The following BRD8 variants were observed in gnomAD, a reference collection of about 807,000 sequenced individuals.
BRD8 encodes the protein bromodomain-containing protein 8.
BRD8 carries 67 observed loss-of-function variants against 143.1 expected under a neutral mutation model. That is an observed-to-expected ratio of 0.47 (90% confidence interval 0.38 to 0.57). The LOEUF (loss-of-function observed/expected upper bound fraction) is 0.57, where lower values mean the gene tolerates loss of function less well. Ranked by LOEUF, BRD8 falls within the 20% of genes least tolerant of loss-of-function variation. The pLI, the probability that BRD8 is intolerant of heterozygous loss-of-function variation, is 0.00. For missense variants in BRD8, 1,103 were observed against 1,503.0 expected (o/e 0.73, Z 4.40); for synonymous variants, 505 against 517.1 (o/e 0.98, Z 0.32).
chr5:138,164,221 C>T, intron 13 of BRD8, 88 bp from the exon 14 acceptor site: 2 of 1,575,260 alleles, frequency 1.3e-6, no homozygotes, highest in Non-Finnish European at 1.7e-6. Flanking sequence ...CTCTCCTTTA[C>T]ATGCTGACCT....
chr5:138,152,867 G>T lies in BRD8; in HGVS notation c.2578-107C>A. ...AAAATAAGGGGCCAGAAATTTATTT[G>T]TATTCAAGTATTCATCATTAGGAAG... On this transcript the variant is annotated intron_variant, in intron 20 of 26. Coordinates refer to ENST00000254900, the MANE Select transcript of BRD8 (RefSeq NM_139199.2). The T allele has an allele frequency of 5.5e-6, 6 of 1,088,168 alleles. No homozygotes were observed. The South Asian group carries it at 8.0e-5, about 14-fold the overall frequency. The allele number at this position is 1,088,168 out of a possible 1,614,324, so 67.4% of individuals were successfully genotyped here.
At chr5:138,146,956 C>T (rs955148086) in intron 23 of BRD8, among the ~76,000 whole-genome samples, 4 of 126,902 alleles carry the variant, frequency 3.2e-5, no homozygotes, top group African/African-American at 1.2e-4. Context: ...GGCGACCGAG[C>T]GAAACTCCGT....
intron 2 of BRD8, among the ~76,000 whole-genome samples, chr5:138,174,500 G>A (rs1258431930): frequency 6.6e-6 from 1 of 151,872 alleles, no homozygotes; most frequent in Non-Finnish European, 1.5e-5. Context: ...GGAGGCTGAG[G>A]TGGGAGAATC....
At position 138,149,799 on chromosome 5, in the gene BRD8, T is replaced by G; in HGVS notation, c.3121-2A>C. On this transcript the variant is annotated splice_acceptor_variant, in intron 22 of 26. Transcript: ENST00000254900. LOFTEE classifies it high-confidence loss of function. ...TTTGGATTCTTGCTGAGCCTCCCCC[T>G]AGGAATGCCAGGAAACAGGAAACTT... 1 of 1,593,352 alleles carries G rather than the reference T, an allele frequency of 6.3e-7. No homozygotes were observed. The highest frequency in any genetic ancestry group is 8.5e-7 in the Non-Finnish European group (1 of 1,173,998).
chr5:138,155,339 C>T (rs189311054), intron 20 of BRD8, among the ~76,000 whole-genome samples: 240 of 151,258 alleles, frequency 1.6e-3, no homozygotes, highest in Middle Eastern at 6.8e-3. Context: ...ATCCCAGCTA[C>T]TCGGGAGGCT....
intron 2 of BRD8, among the ~76,000 whole-genome samples, chr5:138,175,801 C>T (rs1203836591): frequency 2.0e-5 from 3 of 149,666 alleles, no homozygotes; most frequent in Admixed American, 1.3e-4. Flanking sequence ...GTAGTCCCGG[C>T]TACTCAGGAG....
chr5:138,149,535 C>T, intron 23 of BRD8, 105 bp downstream of exon 23: 36 of 1,023,600 alleles, frequency 3.5e-5, no homozygotes, highest in South Asian at 1.4e-4. Context: ...TTGTGTTTTC[C>T]AACTCTAATT....
Position 138,140,736 on chromosome 5 carries a change from T to G in BRD8, c.3584A>C (p.Glu1195Ala), listed in dbSNP as rs1751870873. 1 of 1,614,142 alleles carries G rather than the reference T, an allele frequency of 6.2e-7. No individual in the cohort carries two copies. Among genetic ancestry groups the G allele is most frequent in the Admixed American group, 1.7e-5 (1 of 60,012 alleles). The change falls in exon 26 of 27, where the codon GAG becomes GCG. Residue 1195 changes from glutamate to alanine, a missense_variant. Glu to Ala is a moderately radical substitution (Grantham distance 107). Around this residue, in one of 7 missense-constraint regions of BRD8, gnomAD observed 369 missense variants for 445.5 expected, o/e 0.83. Coordinates refer to ENST00000254900, the MANE Select transcript of BRD8 (RefSeq NM_139199.2). Reference sequence around the variant, plus strand: ...CTGCTCCAGGACTTCTTGCCGCATCTCCACAGCCATATGGTATACATGATG... The same window carrying G: ...CTGCTCCAGGACTTCTTGCCGCATCGCCACAGCCATATGGTATACATGATG... ...SDHHVYHMAV[E>A]MRQEVLEQIQ... is the part of the protein sequence containing the mutation.
rs1002946805 is a variant in BRD8 at position 138,147,206 on chromosome 5, G to A, written c.3279-1328C>T. Among the ~76,000 whole-genome samples the A allele has an allele frequency of 2.0e-5, 3 of 151,178 alleles. No homozygotes were observed. The South Asian group carries it at 6.3e-4, about 32-fold the overall frequency. Reference sequence around the variant, plus strand: ...TCCCAGTACTTTGGGAGGCTGAGGTGGGATTGCTTGAAGCCAGGAGTTCAA... The same window carrying A: ...TCCCAGTACTTTGGGAGGCTGAGGTAGGATTGCTTGAAGCCAGGAGTTCAA... On this transcript the variant is annotated intron_variant, in intron 23 of 26. Transcript: ENST00000254900.
intron 17 of BRD8, 135 bp downstream of exon 17, chr5:138,161,661 G>A (rs1474061554): frequency 1.3e-6 from 1 of 777,094 alleles, no homozygotes; most frequent in Non-Finnish European, 2.1e-6. Flanking sequence ...GGAATTATCA[G>A]TTTAGCACTC....
At chr5:138,160,825 T>C in intron 18 of BRD8, 66 bp downstream of exon 18, 1 of 1,444,732 alleles carries the variant, frequency 6.9e-7, no homozygotes, top group Non-Finnish European at 9.3e-7. Context: ...TTGGCATCAA[T>C]ATGAATCCTC....
At chr5:138,160,007 TG>T (rs1437163842) in intron 19 of BRD8, 61 bp downstream of exon 19, 16 of 1,272,990 alleles carry the variant, frequency 1.3e-5, no homozygotes, top group Non-Finnish European at 1.8e-5. Flanking sequence ...TAAGGGTCCT[TG>T]GATGCTTCAG....
Position 138,164,408 on chromosome 5 carries a change from G to A in BRD8, c.1737C>T (p.Ser579=). The change falls in exon 13 of 27, where the codon TCC becomes TCT. Residue 579 remains serine, a synonymous_variant. Transcript: ENST00000254900. ...GTGATGGAGACAACATGCTTTCAGG[G>A]GATGCCTGAAAACCAGAAAAGAAAA... ...TPLTNVKTEA[S]PESMLSPSHG... is the part of the protein sequence containing the mutation. 6.2e-7 allele frequency: 1 copy of A among 1,613,826 alleles called. No individual in the cohort carries two copies. Among genetic ancestry groups the A allele is most frequent in the Non-Finnish European group, 8.5e-7 (1 of 1,179,786 alleles).
intron 2 of BRD8, chr5:138,172,665 C>CAA (rs147364810): frequency 1.3e-3 from 275 of 216,620 alleles, no homozygotes; most frequent in South Asian, 1.8e-3. Context: ...CCCATCCCTA[C>CAA]AAAAAAAAAA....
intron 23 of BRD8, among the ~76,000 whole-genome samples, chr5:138,146,969 C>CAAAAAAAAAAAAAAAAAAAAAAAAAAA (rs60597015): frequency 2.0e-5 from 1 of 49,050 alleles, no homozygotes; most frequent in Non-Finnish European, 4.4e-5. Flanking sequence ...AACTCCGTCT[C>CAAAAAAAAAAAAAAAAAAAAAAAAAAA]AAAAAAAAAA....
chr5:138,164,257 A>G (rs1372420772), intron 13 of BRD8, 63 bp downstream of exon 13: 1 of 1,589,522 alleles, frequency 6.3e-7, no homozygotes, highest in African/African-American at 1.3e-5. Context: ...CTTGCCCACA[A>G]CCCACAACCC....
At chr5:138,163,087 C>T (rs757353664) in intron 15 of BRD8, 43 bp downstream of exon 15, 7 of 1,558,892 alleles carry the variant, frequency 4.5e-6, no homozygotes, top group South Asian at 4.5e-5. Context: ...CCTCTCCTCA[C>T]CTTCACTGCC....
chr5:138,141,309 T>C (rs973586402), intron 25 of BRD8, among the ~76,000 whole-genome samples: 6 of 152,190 alleles, frequency 3.9e-5, no homozygotes, highest in Non-Finnish European at 7.4e-5. Context: ...TTTGTATTTT[T>C]AGTAGAGATA....
chr5:138,141,886 T>C (rs1175544671), intron 25 of BRD8, among the ~76,000 whole-genome samples: 2 of 152,180 alleles, frequency 1.3e-5, no homozygotes, highest in African/African-American at 4.8e-5. Flanking sequence ...TGTTGGTTGA[T>C]CACGAGCAAG....
Sources: gnomAD v4.1 joint callset for allele counts (sites outside exome capture counted in the v4.1 genomes callset) on GRCh38, gnomAD v4.1.1 for gene constraint, gnomAD v4.1.1 regional missense constraint, MANE v1.5 for transcripts, NCBI Gene and HGNC (gene_info 2026-07-23, HGNC 2026-07-21) for gene names.